Variants in DNMT3A observed in about 807,000 individuals in gnomAD.
The protein encoded by DNMT3A is DNA (cytosine-5)-methyltransferase 3A.
DNMT3A carries 267 observed loss-of-function variants against 117.6 expected under a neutral mutation model. That is an observed-to-expected ratio of 2.27 (90% CI 2.05 to 2.51). DNMT3A has a LOEUF of 2.51. Ranked by LOEUF, DNMT3A falls within the 30% of genes most tolerant of loss-of-function variation. The pLI is 0.00. For missense variants in DNMT3A, 1,029 were observed against 1,260.2 expected (o/e 0.82, Z 2.78); for synonymous variants, 432 against 474.8 (o/e 0.91, Z 1.17).
At chr2:25,338,149 T>C (rs1281780407) in intron 1 of DNMT3A, among the ~76,000 whole-genome samples, 1 of 152,092 alleles carries the variant, frequency 6.6e-6, no homozygotes, top group Non-Finnish European at 1.5e-5. Context: ...GGGAGAGGCA[T>C]GTGACTGGCA....
chr2:25,342,341 G>C (rs2035495898), upstream of DNMT3A: 1 of 151,292 alleles, frequency 6.6e-6, no homozygotes, highest in Admixed American at 6.6e-5. This position sits in a 1 kb window ranked among gnomAD's most constrained non-coding sequence, Gnocchi z 5.9. Flanking sequence ...GCCCCGCCTC[G>C]GCCGCGCTCC....
chr2:25,284,161 A>G (rs2032105253), intron 3 of DNMT3A, among the ~76,000 whole-genome samples: 2 of 152,206 alleles, frequency 1.3e-5, no homozygotes, highest in Admixed American at 1.3e-4. Context: ...CTGGCTCCGT[A>G]TGCAGAACAC....
chr2:25,300,732 TA>T (rs2033442339), intron 2 of DNMT3A, among the ~76,000 whole-genome samples: 2 of 32,828 alleles, frequency 6.1e-5, no homozygotes, highest in East Asian at 2.4e-3. Flanking sequence ...TATATATATA[TA>T]TATATATATA....
chr2:25,246,256 C>T lies in DNMT3A; in HGVS notation c.1333G>A (p.Ala445Thr). 1 of 1,614,098 alleles carries T rather than the reference C, an allele frequency of 6.2e-7. No individual in the cohort carries two copies. The highest frequency in any genetic ancestry group is 1.1e-5 in the South Asian group (1 of 91,058). Residue 445 changes from alanine to threonine, a missense_variant, in exon 11 of 23, where the codon GCA (alanine) becomes ACA (threonine). By Grantham distance (58) the Ala-to-Thr change is moderately conservative. Transcript: ENST00000321117. ...GGTGGAGGTGGTGCGTAGGCAGCTG[C>T]CTCAGGTTCCACCCACATGTCCGTG... The part of the protein sequence containing the change: ...VYTDMWVEPE[A>T]AAYAPPPPAK...
chr2:25,341,532 C>G (rs1335252063), intron 1 of DNMT3A, among the ~76,000 whole-genome samples: 1 of 145,880 alleles, frequency 6.9e-6, no homozygotes, highest in African/African-American at 2.5e-5. Flanking sequence ...GAGCCCGGAG[C>G]CGGGCGGGGG....
At position 25,294,384 on chromosome 2, in the gene DNMT3A, T is replaced by C. The variant is rs1004576659; in HGVS notation, c.177+5755A>G. ...GCAGTGTGTCGGCCTGTCTTCCTCA[T>C]GCCTTCCAAAACATGAGGAGACAGA... On this transcript the variant is annotated intron_variant, in intron 3 of 22. Transcript: ENST00000321117. This position sits in a 1 kb window ranked among gnomAD's most constrained non-coding sequence, Gnocchi z 4.7. Among the ~76,000 whole-genome samples, 2 of 152,104 alleles carry C rather than the reference T, an allele frequency of 1.3e-5. No homozygotes were observed. The highest frequency in any genetic ancestry group is 2.4e-5 in the African/African-American group (1 of 41,424).
At chr2:25,325,540 T>C (rs966506653) in intron 1 of DNMT3A, among the ~76,000 whole-genome samples, 2 of 152,154 alleles carry the variant, frequency 1.3e-5, no homozygotes, top group African/African-American at 4.8e-5. Context: ...CGTGGCCCTG[T>C]TTCCCCACCC....
chr2:25,329,673 CCACACACACA>C (rs55905204), intron 1 of DNMT3A, among the ~76,000 whole-genome samples: 91 of 138,490 alleles, frequency 6.6e-4, no homozygotes, highest in Non-Finnish European at 1.1e-3. Context: ...CATGCAGACC[CCACACACACA>C]CACACACACA....
intron 1 of DNMT3A, among the ~76,000 whole-genome samples, chr2:25,328,113 A>G (rs1424396087): frequency 6.6e-6 from 1 of 152,224 alleles, no homozygotes; most frequent in Non-Finnish European, 1.5e-5. Flanking sequence ...ACACCTCATG[A>G]CAATTTTAAA....
intron 3 of DNMT3A, among the ~76,000 whole-genome samples, chr2:25,292,030 G>A (rs576328533): frequency 2.0e-5 from 3 of 152,152 alleles, no homozygotes; most frequent in South Asian, 2.1e-4. Flanking sequence ...CGAGGCGGGC[G>A]GATCATCTGA....
chr2:25,311,706 A>G lies in DNMT3A; in HGVS notation c.72+2207T>C, dbSNP rs1009501482. On this transcript the variant is annotated intron_variant, in intron 2 of 22. Coordinates refer to ENST00000321117, the MANE Select transcript of DNMT3A (RefSeq NM_022552.5). The surrounding 1 kb of genome is among the most constrained non-coding windows in gnomAD (Gnocchi z 5.2). ...GACCAGACTTTGCTGTCTGCAGGTC[A>G]CTTCCATGCCCATGACCTTATCTGA... 2.0e-5 allele frequency among the ~76,000 whole-genome samples: 3 copies of G among 152,182 alleles called. No individual in the cohort carries two copies. The highest frequency in any genetic ancestry group is 7.2e-5 in the African/African-American group (3 of 41,440).
intron 2 of DNMT3A, among the ~76,000 whole-genome samples, chr2:25,301,716 A>T (rs866890067): frequency 1.7e-4 from 26 of 152,070 alleles, no homozygotes; most frequent in African/African-American, 5.6e-4. Context: ...AGACGTCCTG[A>T]CCCTGCAGAT....
Position 25,298,551 on chromosome 2 carries a change from G to C in DNMT3A, c.177+1588C>G, listed in dbSNP as rs1007501685. 3.9e-5 allele frequency among the ~76,000 whole-genome samples: 6 copies of C among 152,162 alleles called. No homozygotes were observed. The highest frequency in any genetic ancestry group is 3.9e-4 in the Admixed American group (6 of 15,276). On this transcript the variant is annotated intron_variant, in intron 3 of 22. Transcript: ENST00000321117. The surrounding 1 kb of genome is among the most constrained non-coding windows in gnomAD (Gnocchi z 4.3). ...CATATTGCACGTTGCCAAGCCTCAG[G>C]AGAGAGGCAGGGCACGCTGCAAATG... is the stretch of plus-strand genomic sequence containing the variant.
In DNMT3A at chr2:25,318,693, CT is replaced by C. The variant is rs1335476887; in HGVS notation, c.-177-4533del. Among the ~76,000 whole-genome samples the C allele has an allele frequency of 3.5e-5, 5 of 144,728 alleles. No individual in the cohort carries two copies. The East Asian group carries it at 1.0e-3, about 30-fold the overall frequency. 94.9% of individuals were successfully genotyped at this position (144,728 alleles called of 152,430 possible). On this transcript the variant is annotated intron_variant, in intron 1 of 22. Transcript: ENST00000321117. Reference sequence around the variant, plus strand: ...GTAAAATAAAGACATTTTCTTTTTTCTTTTCTTTTTTTTTTTTTTTTTGAGA... The same window carrying C: ...GTAAAATAAAGACATTTTCTTTTTTCTTTCTTTTTTTTTTTTTTTTTGAGA...
intron 2 of DNMT3A, among the ~76,000 whole-genome samples, chr2:25,301,699 G>A (rs2033525764): frequency 6.6e-6 from 1 of 152,148 alleles, no homozygotes; most frequent in African/African-American, 2.4e-5. Context: ...TGGGGAAGTG[G>A]GGAGAAAGAC....
intron 3 of DNMT3A, among the ~76,000 whole-genome samples, chr2:25,287,739 C>CA (rs1434100022): frequency 6.6e-6 from 1 of 151,720 alleles, no homozygotes; most frequent in African/African-American, 2.4e-5. Context: ...ACCCCCGCCC[C>CA]CAACAGAGAT....
At chr2:25,310,050 C>T (rs1363862127) in intron 2 of DNMT3A, among the ~76,000 whole-genome samples, 2 of 152,102 alleles carry the variant, frequency 1.3e-5, no homozygotes, top group Non-Finnish European at 2.9e-5. Flanking sequence ...AGCAAGACTC[C>T]GTCTCAAACA....
chr2:25,263,230 T>C (rs1206844841), intron 6 of DNMT3A, among the ~76,000 whole-genome samples: 8 of 152,176 alleles, frequency 5.3e-5, no homozygotes, highest in Non-Finnish European at 1.2e-4. Flanking sequence ...CAGCCTCTTT[T>C]GCACTTACTG....
intron 6 of DNMT3A, among the ~76,000 whole-genome samples, chr2:25,264,142 T>TTG (rs1558689693): frequency 7.6e-6 from 1 of 132,032 alleles, no homozygotes; most frequent in African/African-American, 2.8e-5. Flanking sequence ...GTTTTTTTTT[T>TTG]TTTTTTTTTT....
Sources: allele counts gnomAD v4.1 joint callset (sites outside exome capture counted in the v4.1 genomes callset), GRCh38; gene constraint gnomAD v4.1.1; non-coding constraint Gnocchi (gnomAD v3.1); transcripts MANE v1.5; gene names NCBI Gene and HGNC (gene_info 2026-07-23, HGNC 2026-07-21).